SAXO1: variants seen among roughly 807,000 people sequenced by gnomAD.
SAXO1 encodes the protein 4930500O09Rik.
SAXO1 carries 21 observed loss-of-function variants against 17.5 expected under a neutral mutation model. The observed-to-expected ratio is 1.20, with a 90% confidence interval of 0.85 to 1.72. The LOEUF (loss-of-function observed/expected upper bound fraction) is 1.72, where lower values mean the gene tolerates loss of function less well. Among genes scored for constraint, SAXO1 ranks in the 40% most tolerant of loss-of-function variants. The pLI is 0.00. For missense variants in SAXO1, 843 were observed against 596.0 expected (o/e 1.41, Z -4.32); for synonymous variants, 274 against 216.5 (o/e 1.27, Z -2.33).
At chr9:19,026,770 C>T (rs1377005578) in intron 1 of SAXO1, 4 of 457,020 alleles carry the variant, frequency 8.8e-6, no homozygotes, top group East Asian at 1.1e-4. Flanking sequence ...GTAGCTCACA[C>T]CTGTAGTCTG....
upstream of SAXO1, among the ~76,000 whole-genome samples, chr9:19,037,564 T>C (rs1311060550): frequency 6.6e-6 from 1 of 152,196 alleles, no homozygotes; most frequent in Admixed American, 6.5e-5. Context: ...TTTTTTTCTC[T>C]TGCTGCTGCC....
chr9:18,936,356 T>C (rs1399315627), intron 3 of SAXO1, among the ~76,000 whole-genome samples: 5 of 152,300 alleles, frequency 3.3e-5, no homozygotes, highest in African/African-American at 9.6e-5. Flanking sequence ...ACATGTTTCC[T>C]GCCCACCCCG....
At chr9:18,951,001 G>A in intron 1 of SAXO1, 64 bp from the exon 2 acceptor site, 12 of 1,473,520 alleles carry the variant, frequency 8.1e-6, no homozygotes, top group Non-Finnish European at 1.0e-5. Flanking sequence ...TTTCCTAAGA[G>A]TACTTCCGCC....
rs914000271 is a variant in SAXO1, at chr9:19,032,803, G to A, written c.38+68C>T. On this transcript the variant is annotated intron_variant, in intron 1 of 3. Coordinates refer to ENST00000380534, the MANE Select transcript of SAXO1 (RefSeq NM_153707.4). ...GCCGCCTGATGAAGCAGCTGGGGGA[G>A]GCTTCCCTTCCTCGGGAGTCTGAAA... 8.2e-5 allele frequency: 128 copies of A among 1,555,620 alleles called. 1 individual carries two copies. The highest frequency in any genetic ancestry group is 1.1e-4 in the Non-Finnish European group (122 of 1,144,688).
At chr9:19,008,170 T>G (rs1834568073) in intron 1 of SAXO1, among the ~76,000 whole-genome samples, 1 of 152,122 alleles carries the variant, frequency 6.6e-6, no homozygotes, top group African/African-American at 2.4e-5. Flanking sequence ...AGAGGGGGTT[T>G]CACCATGTTG....
chr9:19,014,241 A>T (rs1834871119), intron 1 of SAXO1, among the ~76,000 whole-genome samples: 3 of 151,988 alleles, frequency 2.0e-5, no homozygotes, highest in Admixed American at 2.0e-4. Context: ...TGGGCAGATC[A>T]CTTGAGGCCA....
intron 3 of SAXO1, among the ~76,000 whole-genome samples, chr9:18,937,721 A>C (rs1188864575): frequency 6.6e-6 from 1 of 152,124 alleles, no homozygotes; most frequent in Non-Finnish European, 1.5e-5. Flanking sequence ...CCACATGAGG[A>C]CACAGCAACA....
intron 1 of SAXO1, among the ~76,000 whole-genome samples, chr9:19,018,359 C>G (rs755595433): frequency 6.6e-6 from 1 of 152,120 alleles, no homozygotes; most frequent in Admixed American, 6.5e-5. Context: ...ATGTAAGTGT[C>G]AGAATTTCAG....
At chr9:18,975,899 G>A (rs933402265) in intron 1 of SAXO1, among the ~76,000 whole-genome samples, 1 of 152,042 alleles carries the variant, frequency 6.6e-6, no homozygotes, top group Non-Finnish European at 1.5e-5. Flanking sequence ...GACCAAGAGA[G>A]ATGTAAGTTT....
intron 1 of SAXO1, among the ~76,000 whole-genome samples, chr9:18,957,289 T>A (rs373778897): frequency 1.2e-4 from 18 of 152,270 alleles, no homozygotes; most frequent in South Asian, 1.0e-3. Context: ...GATAAAGCAA[T>A]AACGGTAATA....
chr9:19,046,704 GA>G lies in SAXO1; in HGVS notation c.-158+2504del, dbSNP rs534019035. On this transcript the variant is annotated intron_variant, in intron 1 of 3. Coordinates refer to the SAXO1 transcript ENST00000542071. ...GCAACAAGAGCAAAACTTCGTCTCA[GA>G]AAAAAAAAAAAAAAATTAAGCATAG... is the stretch of plus-strand genomic sequence containing the variant. Among the ~76,000 whole-genome samples the G allele has an allele frequency of 4.0e-3, 536 of 132,428 alleles. 2 individuals carry two copies. Among genetic ancestry groups the G allele is most frequent in the Middle Eastern group, 0.016 (4 of 246 alleles). The allele number at this position is 132,428 out of a possible 152,430, so 86.9% of individuals were successfully genotyped here.
chr9:18,930,458 G>T (rs112944044), intron 3 of SAXO1, among the ~76,000 whole-genome samples: 3,144 of 152,008 alleles, frequency 0.021, 116 homozygotes, highest in African/African-American at 0.069. Context: ...AGAAAAATGG[G>T]ATGACAAACC....
chr9:19,025,622 A>T (rs1835439722), intron 1 of SAXO1, among the ~76,000 whole-genome samples: 1 of 152,122 alleles, frequency 6.6e-6, no homozygotes, highest in Non-Finnish European at 1.5e-5. Context: ...TTTTTTATGA[A>T]ATGCTGCACA....
chr9:18,999,784 A>G (rs1305636508), intron 1 of SAXO1, among the ~76,000 whole-genome samples: 191 of 38,644 alleles, frequency 4.9e-3, no homozygotes, highest in Admixed American at 6.7e-3. Context: ...CACCATCTGG[A>G]GAGTGAGGAG....
At chr9:19,016,461 A>C (rs1335185216) in intron 1 of SAXO1, among the ~76,000 whole-genome samples, 1 of 150,898 alleles carries the variant, frequency 6.6e-6, no homozygotes, top group Non-Finnish European at 1.5e-5. Flanking sequence ...AAATAAATAA[A>C]TAAAAGCATA....
chr9:19,035,031 A>G (rs968688894), upstream of SAXO1, among the ~76,000 whole-genome samples: 1 of 152,200 alleles, frequency 6.6e-6, no homozygotes, highest in Non-Finnish European at 1.5e-5. Context: ...GGTGTGGACA[A>G]AATAGCCTCA....
Position 18,941,831 on chromosome 9 carries a change from A to G in SAXO1, c.227T>C (p.Phe76Ser). 6.2e-7 allele frequency: 1 copy of G among 1,614,198 alleles called. No homozygotes were observed. The highest frequency in any genetic ancestry group is 2.2e-5 in the East Asian group (1 of 44,890). Reference sequence around the variant, plus strand: ...CACTGGTGCCACTTTGTGAGGCCCAAAATCTCTCCTGTAAGGAAGCAAGTG... The same window carrying G: ...CACTGGTGCCACTTTGTGAGGCCCAGAATCTCTCCTGTAAGGAAGCAAGTG... Reference protein sequence around the residue: ...MEGLTTSRRDFGPHKVAPVKV... With the variant: ...MEGLTTSRRDSGPHKVAPVKV... Residue 76 changes from phenylalanine (F) to serine (S), a missense_variant, in exon 3 of 4, where the codon TTT becomes TCT. Physicochemically the swap from Phe to Ser is radical, Grantham distance 155 (BLOSUM62 -2). Coordinates refer to ENST00000380534, the MANE Select transcript of SAXO1 (RefSeq NM_153707.4).
intron 2 of SAXO1, among the ~76,000 whole-genome samples, chr9:18,946,231 G>A (rs975479925): frequency 2.1e-5 from 3 of 141,272 alleles, no homozygotes; most frequent in African/African-American, 8.3e-5. Flanking sequence ...AGCCGAGATC[G>A]TGCCACTGCT....
intron 2 of SAXO1, among the ~76,000 whole-genome samples, chr9:18,944,421 T>C (rs1333253044): frequency 1.3e-5 from 2 of 152,224 alleles, no homozygotes; most frequent in Non-Finnish European, 2.9e-5. Context: ...TTACAGCCTT[T>C]AAATTCACGT....
Sources: allele counts gnomAD v4.1 joint callset (sites outside exome capture counted in the v4.1 genomes callset), GRCh38; gene constraint gnomAD v4.1.1; transcripts MANE v1.5; gene names NCBI Gene and HGNC (gene_info 2026-07-23, HGNC 2026-07-21).